The following PLEKHB2 variants were observed in gnomAD, a reference collection of about 807,000 sequenced individuals.
The protein encoded by PLEKHB2 is pleckstrin homology domain containing B2, also known as pleckstrin homology domain-containing family B member 2.
In PLEKHB2, 31 loss-of-function variants were observed where a neutral mutation model predicts 36.5. That is an observed-to-expected ratio of 0.85 (90% CI 0.64 to 1.15). PLEKHB2 has a LOEUF of 1.15. Ranked by LOEUF, PLEKHB2 falls within the 50% of genes most tolerant of loss-of-function variation. The pLI, the probability that PLEKHB2 is intolerant of heterozygous loss-of-function variation, is 0.00. For missense variants in PLEKHB2, 262 were observed against 295.3 expected (o/e 0.89, Z 0.83); for synonymous variants, 119 against 112.0 (o/e 1.06, Z -0.39).
chr2:131,119,148 G>T (rs1286692865), intron 1 of PLEKHB2, among the ~76,000 whole-genome samples: 1 of 151,684 alleles, frequency 6.6e-6, no homozygotes, highest in African/African-American at 2.4e-5. Context: ...CCAGCTACTC[G>T]GGGAGGCTGA....
At chr2:131,133,650 T>A (rs1697943419) in intron 6 of PLEKHB2, among the ~76,000 whole-genome samples, 1 of 152,196 alleles carries the variant, frequency 6.6e-6, no homozygotes, top group Non-Finnish European at 1.5e-5. Context: ...ACCACCTCAA[T>A]CAAGATAAAG....
chr2:131,105,555 A>G (rs1694612823), intron 1 of PLEKHB2, among the ~76,000 whole-genome samples, 157 bp downstream of exon 1: 1 of 151,830 alleles, frequency 6.6e-6, no homozygotes, highest in African/African-American at 2.4e-5. Context: ...ATTTTCCCTG[A>G]GGCTCCTGGC....
chr2:131,130,156 A>G (rs1184368488), intron 4 of PLEKHB2, among the ~76,000 whole-genome samples: 1 of 151,218 alleles, frequency 6.6e-6, no homozygotes, highest in African/African-American at 2.4e-5. Context: ...CTATTCTCCC[A>G]CCTCAGCCTC....
At chr2:131,138,688 C>G (rs1427723322) in intron 6 of PLEKHB2, among the ~76,000 whole-genome samples, 1 of 152,134 alleles carries the variant, frequency 6.6e-6, no homozygotes, top group East Asian at 1.9e-4. Flanking sequence ...AGAGGAAAGG[C>G]TCTTTCTTAT....
intron 6 of PLEKHB2, among the ~76,000 whole-genome samples, chr2:131,135,135 G>C (rs536698309): frequency 1.3e-5 from 2 of 151,830 alleles, no homozygotes; most frequent in Admixed American, 6.6e-5. Context: ...GCAGTGGCGC[G>C]ATCTTGGCTG....
chr2:131,105,910 G>T (rs1694671495), intron 1 of PLEKHB2, among the ~76,000 whole-genome samples: 1 of 152,182 alleles, frequency 6.6e-6, no homozygotes, highest in South Asian at 2.1e-4. Context: ...CAGGGAACTT[G>T]CCTTCTCAGT....
At chr2:131,124,181 G>C (rs1283897877) in intron 2 of PLEKHB2, among the ~76,000 whole-genome samples, 2 of 151,770 alleles carry the variant, frequency 1.3e-5, no homozygotes, top group Non-Finnish European at 2.9e-5. Flanking sequence ...GTAGTCAAGT[G>C]GATGCTTGGG....
Position 131,136,449 on chromosome 2 carries a change from A to G in PLEKHB2, c.423+3458A>G, listed in dbSNP as rs114073657. The stretch of plus-strand genomic sequence containing the variant: ...GGTCTTGAACTCCTGGCCTCAAACA[A>G]TCCTCCTGCCTGGGCCTCCCAAAGT... On this transcript the variant is annotated intron_variant, in intron 6 of 7. Coordinates refer to ENST00000693505, the MANE Select transcript of PLEKHB2 (RefSeq NM_001100623.2). 7.9e-4 allele frequency among the ~76,000 whole-genome samples: 119 copies of G among 151,502 alleles called. 3 individuals are homozygous for G. Among genetic ancestry groups the G allele is most frequent in the South Asian group, 2.7e-3 (13 of 4,794 alleles).
At position 131,140,332 on chromosome 2, in the gene PLEKHB2, G is replaced by C. The variant is rs772404072; in HGVS notation, c.532+57G>C. On this transcript the variant is annotated intron_variant, in intron 7 of 7. Coordinates refer to ENST00000693505, the MANE Select transcript of PLEKHB2 (RefSeq NM_001100623.2). ...CTCTCCATTTGCTGAGTAGACCAGA[G>C]AGACCTGTAAACGTTTTTATTTTTC... is the stretch of plus-strand genomic sequence containing the variant. 5.5e-5 allele frequency: 50 copies of C among 905,438 alleles called. No homozygotes were observed. The Middle Eastern group carries it at 6.5e-4, about 12-fold the overall frequency. 56.1% of individuals were successfully genotyped at this position (905,438 alleles called of 1,614,324 possible). A position where few individuals can be genotyped will look rare whatever the true frequency, so the allele number is the denominator to read the frequency against.
intron 7 of PLEKHB2, among the ~76,000 whole-genome samples, chr2:131,142,974 T>C (rs1005514697): frequency 2.6e-5 from 4 of 152,200 alleles, no homozygotes; most frequent in Non-Finnish European, 5.9e-5. Flanking sequence ...GCGAAAACAA[T>C]GTACATTTAG....
At chr2:131,122,199 G>A (rs867072145) in intron 2 of PLEKHB2, among the ~76,000 whole-genome samples, 1 of 152,138 alleles carries the variant, frequency 6.6e-6, no homozygotes, top group Non-Finnish European at 1.5e-5. Context: ...ACAGGCGTGA[G>A]CCACCGCGCC....
chr2:131,133,048 T>C (rs1697877845), intron 6 of PLEKHB2, 57 bp downstream of exon 6: 1 of 1,096,404 alleles, frequency 9.1e-7, no homozygotes, highest in South Asian at 1.3e-5. Flanking sequence ...GCTGCTGTCC[T>C]GCTTTGTTTT....
intron 1 of PLEKHB2, among the ~76,000 whole-genome samples, chr2:131,108,609 A>G (rs535071607): frequency 3.9e-4 from 59 of 152,342 alleles, no homozygotes; most frequent in African/African-American, 1.4e-3. Flanking sequence ...AACCCTAATG[A>G]TAGCTGATGC....
At chr2:131,124,770 A>C (rs991697135) in intron 2 of PLEKHB2, among the ~76,000 whole-genome samples, 2 of 152,034 alleles carry the variant, frequency 1.3e-5, no homozygotes, top group African/African-American at 4.8e-5. Flanking sequence ...TTAAGGACAA[A>C]GAAAAAAAAC....
intron 2 of PLEKHB2, among the ~76,000 whole-genome samples, chr2:131,123,775 AC>A (rs1268166212): frequency 0.44 from 17,229 of 38,954 alleles, 2,090 homozygotes; most frequent in East Asian, 0.55. Context: ...CACCCCCCCC[AC>A]CCCCCCCCCC....
intron 5 of PLEKHB2, among the ~76,000 whole-genome samples, chr2:131,131,360 T>C (rs545623351): frequency 7.9e-5 from 12 of 152,226 alleles, no homozygotes; most frequent in Non-Finnish European, 2.9e-5. Flanking sequence ...TAGAAAGAAC[T>C]GCAGGATCCT....
At chr2:131,144,238 G>A (rs1301045568) in intron 7 of PLEKHB2, among the ~76,000 whole-genome samples, 2 of 152,220 alleles carry the variant, frequency 1.3e-5, no homozygotes, top group African/African-American at 4.8e-5. Context: ...ATTGGGACCA[G>A]TGGTTGGTCA....
At chr2:131,113,654 A>G (rs77374712) in intron 1 of PLEKHB2, among the ~76,000 whole-genome samples, 1,979 of 152,294 alleles carry the variant, frequency 0.013, 39 homozygotes, top group African/African-American at 0.045. Context: ...AGTTGTCAGT[A>G]TCAGTGAGCC....
intron 1 of PLEKHB2, among the ~76,000 whole-genome samples, chr2:131,111,873 C>T (rs1164555422): frequency 2.0e-5 from 3 of 151,996 alleles, no homozygotes; most frequent in African/African-American, 4.8e-5. Flanking sequence ...ATTTTATTTT[C>T]TTTAATCTCT....
Sources: allele counts gnomAD v4.1 joint callset (sites outside exome capture counted in the v4.1 genomes callset), GRCh38; gene constraint gnomAD v4.1.1; transcripts MANE v1.5; gene names NCBI Gene and HGNC (gene_info 2026-07-23, HGNC 2026-07-21).